Variants in SHROOM4 observed in about 807,000 individuals in gnomAD.
SHROOM4 encodes shroom family member 4.
In SHROOM4, 17 loss-of-function variants were observed where a neutral mutation model predicts 80.3. That is an observed-to-expected ratio of 0.21 (90% confidence interval 0.14 to 0.32). The LOEUF is 0.32. Among genes scored for constraint, SHROOM4 ranks in the 10% least tolerant of loss-of-function variants. SHROOM4 has a pLI of 1.00. For synonymous variants in SHROOM4, 400 were observed against 437.5 expected, an observed-to-expected ratio of 0.91 and a Z score of 1.07; for missense variants, 993 against 1,140.3, an observed-to-expected ratio of 0.87 and a Z score of 1.86.
At chrX:50,716,750 T>C (rs1440235941) in intron 1 of SHROOM4, among the ~76,000 whole-genome samples, 1 of 111,938 alleles carries the variant, frequency 8.9e-6, no homozygotes. Context: ...TTTATAAAGA[T>C]AGAACTGAGA....
intron 1 of SHROOM4, among the ~76,000 whole-genome samples, chrX:50,713,955 T>C (rs782710976): frequency 3.6e-5 from 4 of 112,121 alleles, no homozygotes; most frequent in Non-Finnish European, 5.6e-5. Flanking sequence ...TCAGGTCTTA[T>C]GTTTAAATCT....
chrX:50,711,383 G>A (rs1221752207), intron 1 of SHROOM4, among the ~76,000 whole-genome samples: 6 of 111,849 alleles, frequency 5.4e-5, no homozygotes, highest in Admixed American at 2.9e-4. Flanking sequence ...ACACAGCATG[G>A]TTAAAACCAA....
chrX:50,759,633 C>T (rs374825205), intron 1 of SHROOM4, among the ~76,000 whole-genome samples: 1 of 111,640 alleles, frequency 9.0e-6, no homozygotes, highest in East Asian at 2.8e-4. Flanking sequence ...TCTGAATCTC[C>T]TAGTTTCTTA....
At chrX:50,795,118 T>TG (rs1935961394) in intron 1 of SHROOM4, among the ~76,000 whole-genome samples, 1 of 8,562 alleles carries the variant, frequency 1.2e-4, no homozygotes, top group African/African-American at 1.6e-4. Flanking sequence ...ATATATGATA[T>TG]ATATATATGA....
chrX:50,649,664 A>C (rs1931966282), intron 2 of SHROOM4: 1 of 112,041 alleles, frequency 8.9e-6, no homozygotes, highest in Admixed American at 9.5e-5. Context: ...GACATAACTA[A>C]AATTGCAATG....
intron 2 of SHROOM4, among the ~76,000 whole-genome samples, chrX:50,657,447 GT>G (rs1340458403): frequency 0.015 from 1,527 of 101,577 alleles, 23 homozygotes; most frequent in African/African-American, 0.047. Context: ...TTTTTGGACA[GT>G]TTTTTTTTTT....
intron 2 of SHROOM4, among the ~76,000 whole-genome samples, chrX:50,673,939 T>A (rs1199902660): frequency 9.3e-6 from 1 of 107,669 alleles, no homozygotes; most frequent in Admixed American, 1.0e-4. Flanking sequence ...CCAAAAGCAA[T>A]CACATTTCTG....
chrX:50,710,815 A>G (rs1557264337), intron 1 of SHROOM4, among the ~76,000 whole-genome samples: 1 of 111,582 alleles, frequency 9.0e-6, no homozygotes, highest in East Asian at 2.8e-4. Flanking sequence ...TGCTTTGATA[A>G]GATTCTTTCA....
At chrX:50,806,752 G>T (rs1035187112) in intron 1 of SHROOM4, among the ~76,000 whole-genome samples, 5 of 112,004 alleles carry the variant, frequency 4.5e-5, no homozygotes, top group Non-Finnish European at 9.4e-5. Flanking sequence ...GTTTCAGAGG[G>T]AAATGTAACC....
At chrX:50,738,711 T>C (rs1373072663) in intron 1 of SHROOM4, among the ~76,000 whole-genome samples, 6 of 111,833 alleles carry the variant, frequency 5.4e-5, no homozygotes, top group Non-Finnish European at 1.1e-4. Flanking sequence ...CATTCCATGC[T>C]CATGGATAGG....
chrX:50,775,590 G>A (rs1935486638), intron 1 of SHROOM4, among the ~76,000 whole-genome samples: 1 of 111,909 alleles, frequency 8.9e-6, no homozygotes, highest in South Asian at 3.8e-4. Flanking sequence ...GCACTCTGAG[G>A]CAAGCAAAGA....
chrX:50,755,022 T>C (rs1424108088), intron 1 of SHROOM4, among the ~76,000 whole-genome samples: 2 of 112,400 alleles, frequency 1.8e-5, no homozygotes, highest in African/African-American at 6.5e-5. Flanking sequence ...ATTATGGGAA[T>C]GAATATCTAA....
At chrX:50,629,158 C>T (rs1930942909) in intron 4 of SHROOM4, among the ~76,000 whole-genome samples, 1 of 111,684 alleles carries the variant, frequency 9.0e-6, no homozygotes, top group Non-Finnish European at 1.9e-5. Context: ...TTTCCCTAAG[C>T]CACATAGGTT....
intron 6 of SHROOM4, among the ~76,000 whole-genome samples, 194 bp from the exon 7 acceptor site, chrX:50,603,007 T>G (rs1365094094): frequency 8.9e-6 from 1 of 111,952 alleles, no homozygotes; most frequent in Non-Finnish European, 1.9e-5. Context: ...TTTTAAGAAC[T>G]TAGAAGGCTA....
intron 1 of SHROOM4, among the ~76,000 whole-genome samples, chrX:50,772,447 G>A (rs1278380853): frequency 9.0e-6 from 1 of 111,509 alleles, no homozygotes; most frequent in Non-Finnish European, 1.9e-5. Flanking sequence ...GACAAAACTA[G>A]GATGTAAACT....
At chrX:50,579,648 G>A in the SHROOM4 span, among the ~76,000 whole-genome samples, 1 of 111,601 alleles carries the variant, frequency 9.0e-6, no homozygotes, top group Non-Finnish European at 1.9e-5. Context: ...CATAGGCTGA[G>A]CTTATTTTAC....
At chrX:50,705,166 G>C (rs1209170855) in intron 1 of SHROOM4, among the ~76,000 whole-genome samples, 1 of 111,450 alleles carries the variant, frequency 9.0e-6, no homozygotes, top group African/African-American at 3.3e-5. Context: ...CCAAGCTACT[G>C]TCCTGTTCAC....
intron 2 of SHROOM4, 77 bp downstream of exon 2, chrX:50,695,709 C>T: frequency 9.4e-7 from 1 of 1,064,507 alleles, no homozygotes; most frequent in Non-Finnish European, 1.3e-6. Flanking sequence ...TTGATAGAGA[C>T]ATGACTCTAT....
chrX:50,798,489 T>C (rs978298829), intron 1 of SHROOM4, among the ~76,000 whole-genome samples: 2 of 111,433 alleles, frequency 1.8e-5, no homozygotes, highest in Admixed American at 1.9e-4. Context: ...ACAGTGGTAT[T>C]AAAAAGACAA....
Sources: allele counts gnomAD v4.1 joint callset (sites outside exome capture counted in the v4.1 genomes callset), GRCh38; gene constraint gnomAD v4.1.1; transcripts MANE v1.5; gene names NCBI Gene and HGNC (gene_info 2026-07-23, HGNC 2026-07-21).